BRINP1: variants seen among roughly 807,000 people sequenced by gnomAD.
BRINP1 encodes the protein BMP/retinoic acid inducible neural specific 1.
Under a neutral mutation model 72.9 loss-of-function variants are expected in BRINP1, and 17 were observed. That is an observed-to-expected ratio of 0.23 (90% CI 0.16 to 0.35). BRINP1 has a LOEUF of 0.35. BRINP1 is among the 10% of genes least tolerant of loss of function. The pLI, the probability that BRINP1 is intolerant of heterozygous loss-of-function variation, is 1.00. For missense variants in BRINP1, 850 were observed against 1,001.6 expected, an observed-to-expected ratio of 0.85 and a Z score of 2.04; for synonymous variants, 418 against 378.5, an observed-to-expected ratio of 1.10 and a Z score of -1.21.
intron 3 of BRINP1, among the ~76,000 whole-genome samples, chr9:119,247,825 CAT>C (rs72089183): frequency 0.013 from 2,011 of 152,272 alleles, 25 homozygotes; most frequent in Middle Eastern, 0.054. Flanking sequence ...GGTAATATGA[CAT>C]GTGCAGTTTT....
At chr9:119,355,637 G>T in intron 1 of BRINP1, among the ~76,000 whole-genome samples, 1 of 151,524 alleles carries the variant, frequency 6.6e-6, no homozygotes, top group African/African-American at 2.4e-5. Context: ...GCTGAGGCAG[G>T]AGAATGGTGT....
intron 3 of BRINP1, among the ~76,000 whole-genome samples, chr9:119,243,646 T>C (rs1483677053): frequency 6.6e-6 from 1 of 152,236 alleles, no homozygotes; most frequent in Non-Finnish European, 1.5e-5. Flanking sequence ...TCTACAATGG[T>C]TGAACTAATT....
chr9:119,323,678 A>G (rs1426526920), intron 1 of BRINP1, among the ~76,000 whole-genome samples: 1 of 152,238 alleles, frequency 6.6e-6, no homozygotes, highest in Non-Finnish European at 1.5e-5. Context: ...CAAGGCTGCA[A>G]AGCACTGATG....
intron 2 of BRINP1, among the ~76,000 whole-genome samples, chr9:119,269,546 C>T (rs927817681): frequency 1.3e-5 from 2 of 152,152 alleles, no homozygotes; most frequent in Non-Finnish European, 2.9e-5. Flanking sequence ...TTAAAACTAA[C>T]ATTTATTCAG....
intron 5 of BRINP1, among the ~76,000 whole-genome samples, chr9:119,236,471 A>G (rs1830192535): frequency 6.6e-6 from 1 of 152,224 alleles, no homozygotes; most frequent in African/African-American, 2.4e-5. Flanking sequence ...TTGAACCTTA[A>G]GCTTCATTGG....
chr9:119,287,550 G>T (rs1034206389), intron 2 of BRINP1, among the ~76,000 whole-genome samples: 16 of 152,152 alleles, frequency 1.1e-4, no homozygotes, highest in African/African-American at 3.9e-4. Flanking sequence ...GTTCCCCGAT[G>T]AACAAGGAAA....
Position 119,166,851 on chromosome 9 carries a change from A to AAGGCTGAGACCCTTCTTCATGACAG in BRINP1, c.*208_*232dup, listed in dbSNP as rs1275942560. The AAGGCTGAGACCCTTCTTCATGACAG allele has an allele frequency of 1.3e-5, 6 of 474,808 alleles. No homozygotes were observed. The highest frequency in any genetic ancestry group is 2.2e-5 in the Non-Finnish European group (6 of 269,726). 29.4% of individuals were successfully genotyped at this position (474,808 alleles called of 1,614,324 possible). A position where few individuals can be genotyped will look rare whatever the true frequency, so the allele number is the denominator to read the frequency against. Reference sequence around the variant, plus strand: ...AAGCAACTCCCTCAATGCTCCACAAAAGGCTGAGACCCTTCTTCATGACAG... The same window carrying AAGGCTGAGACCCTTCTTCATGACAG: ...AAGCAACTCCCTCAATGCTCCACAAAAGGCTGAGACCCTTCTTCATGACAGAGGCTGAGACCCTTCTTCATGACAG... On this transcript the variant is annotated 3_prime_UTR_variant, in exon 8 of 8. Coordinates refer to ENST00000265922, the MANE Select transcript of BRINP1 (RefSeq NM_014618.3).
chr9:119,346,443 G>A (rs965085998), intron 1 of BRINP1, among the ~76,000 whole-genome samples: 4 of 152,200 alleles, frequency 2.6e-5, no homozygotes, highest in South Asian at 2.1e-4. Context: ...TGCAATCACC[G>A]TTACCAGAAT....
chr9:119,301,121 T>C (rs1397309603), intron 2 of BRINP1, among the ~76,000 whole-genome samples: 2 of 152,224 alleles, frequency 1.3e-5, no homozygotes, highest in Non-Finnish European at 2.9e-5. Context: ...ATTTGAATGT[T>C]CCAGGTAGTT....
At chr9:119,308,220 T>C (rs1016029854) in intron 2 of BRINP1, among the ~76,000 whole-genome samples, 1 of 152,212 alleles carries the variant, frequency 6.6e-6, no homozygotes, top group Non-Finnish European at 1.5e-5. Context: ...GAACTAGAGT[T>C]CTCTGTAACA....
intron 7 of BRINP1, among the ~76,000 whole-genome samples, chr9:119,172,877 A>T (rs2118824887): frequency 6.6e-6 from 1 of 151,700 alleles, no homozygotes; most frequent in South Asian, 2.1e-4. Flanking sequence ...ACAAAGACAA[A>T]AACCACATGA....
chr9:119,361,729 T>C (rs1831633395), intron 1 of BRINP1, among the ~76,000 whole-genome samples: 5 of 150,790 alleles, frequency 3.3e-5, no homozygotes, highest in Admixed American at 3.3e-4. Flanking sequence ...CAAGTGATCC[T>C]CCTACCTCAG....
At chr9:119,201,883 C>T (rs1043014233) in intron 7 of BRINP1, among the ~76,000 whole-genome samples, 3 of 152,056 alleles carry the variant, frequency 2.0e-5, no homozygotes, top group Non-Finnish European at 4.4e-5. Context: ...TTTTCTTCCT[C>T]CCTCCCTTCC....
At chr9:119,198,036 C>A (rs904888383) in intron 7 of BRINP1, among the ~76,000 whole-genome samples, 1 of 151,912 alleles carries the variant, frequency 6.6e-6, no homozygotes, top group East Asian at 1.9e-4. Context: ...TTGAATAAAC[C>A]GAGGTTTGAA....
At chr9:119,219,840 G>T (rs1236066019) in intron 5 of BRINP1, among the ~76,000 whole-genome samples, 1 of 152,100 alleles carries the variant, frequency 6.6e-6, no homozygotes, top group Non-Finnish European at 1.5e-5. Flanking sequence ...TCTCCTAGGG[G>T]GTAGCATTTA....
rs1169749255 is a variant in BRINP1, at chr9:119,171,574, G to A, written c.1146-3350C>T. 1.4e-4 allele frequency among the ~76,000 whole-genome samples: 20 copies of A among 143,406 alleles called. 1 individual carries two copies. Among genetic ancestry groups the A allele is most frequent in the East Asian group, 1.0e-3 (5 of 4,912 alleles). The allele number at this position is 143,406 out of a possible 152,430, so 94.1% of individuals were successfully genotyped here. A position where few individuals can be genotyped will look rare whatever the true frequency, so the allele number is the denominator to read the frequency against. The stretch of plus-strand genomic sequence containing the variant: ...CACTGTCAACATTAGACAGATCAAC[G>A]AGACAGAAAGTCAACAAGGATACCC... On this transcript the variant is annotated intron_variant, in intron 7 of 7. Coordinates refer to ENST00000265922, the MANE Select transcript of BRINP1 (RefSeq NM_014618.3).
chr9:119,283,367 T>C (rs1318819476), intron 2 of BRINP1: 1 of 167,416 alleles, frequency 6.0e-6, no homozygotes, highest in Non-Finnish European at 1.2e-5. Context: ...GCCCTCTTGC[T>C]AACTTGCTTT....
At chr9:119,364,877 GGCAAAAATGCCGTAACGGCATT>G (rs1831674847) in intron 1 of BRINP1, among the ~76,000 whole-genome samples, 1 of 152,214 alleles carries the variant, frequency 6.6e-6, no homozygotes, top group Non-Finnish European at 1.5e-5. Context: ...TCTTGGTATA[GGCAAAAATGCCGTAACGGCATT>G]GCTTTAAATG....
At chr9:119,342,478 G>T (rs980621357) in intron 1 of BRINP1, among the ~76,000 whole-genome samples, 1 of 152,122 alleles carries the variant, frequency 6.6e-6, no homozygotes, top group Non-Finnish European at 1.5e-5. Context: ...ATAAGAACAA[G>T]AAATTTTGAG....
Sources: allele counts gnomAD v4.1 joint callset (sites outside exome capture counted in the v4.1 genomes callset), GRCh38; gene constraint gnomAD v4.1.1; transcripts MANE v1.5; gene names NCBI Gene and HGNC (gene_info 2026-07-23, HGNC 2026-07-21).